The following MTDH variants were observed in gnomAD, a reference collection of about 807,000 sequenced individuals.
MTDH encodes metadherin.
Under a neutral mutation model 72.7 loss-of-function variants are expected in MTDH, and 34 were observed. That is an observed-to-expected ratio of 0.47 (90% CI 0.36 to 0.62). MTDH has a LOEUF of 0.62. Ranked by LOEUF, MTDH falls within the 20% of genes least tolerant of loss-of-function variation. The pLI is 0.00. For missense variants in MTDH, 677 were observed against 699.4 expected (o/e 0.97, Z 0.36); for synonymous variants, 266 against 268.9 (o/e 0.99, Z 0.10).
intron 2 of MTDH, among the ~76,000 whole-genome samples, chr8:97,662,879 T>C (rs1424295000): frequency 6.6e-6 from 1 of 151,426 alleles, no homozygotes; most frequent in African/African-American, 2.4e-5. Flanking sequence ...CTAAGTCACT[T>C]CTTCAAAGAC....
At chr8:97,693,177 GTGCCCATTTATCATA>G (rs1172366380) in intron 6 of MTDH, among the ~76,000 whole-genome samples, 13 of 152,096 alleles carry the variant, frequency 8.5e-5, no homozygotes, top group Non-Finnish European at 1.8e-4. Flanking sequence ...ATCAGTATAA[GTGCCCATTTATCATA>G]TGCTTACCAA....
At position 97,659,187 on chromosome 8, in the gene MTDH, G is replaced by A. The variant is rs116754573; in HGVS notation, c.382-1885G>A. On this transcript the variant is annotated intron_variant, in intron 1 of 11. Coordinates refer to ENST00000336273, the MANE Select transcript of MTDH (RefSeq NM_178812.4). ...ATATTAGAAAGTAAAATTAAACAAAGTTTTGTATTCCTGATGTAGATACGG... is the reference window on the plus strand; with the variant it reads ...ATATTAGAAAGTAAAATTAAACAAAATTTTGTATTCCTGATGTAGATACGG... Among the ~76,000 whole-genome samples, 429 of 152,046 alleles carry A rather than the reference G, an allele frequency of 2.8e-3. 2 individuals carry two copies. The highest frequency in any genetic ancestry group is 9.8e-3 in the African/African-American group (405 of 41,474).
intron 2 of MTDH, among the ~76,000 whole-genome samples, chr8:97,680,314 G>A (rs1157681299): frequency 2.0e-5 from 3 of 151,992 alleles, no homozygotes; most frequent in East Asian, 1.9e-4. Context: ...TCAATCGGTC[G>A]GCCCACCTCA....
rs1257971514 is a variant in MTDH, at chr8:97,644,826, A to G, written c.320A>G (p.Lys107Arg). The G allele has an allele frequency of 1.9e-6, 3 of 1,578,782 alleles. No homozygotes were observed. The highest frequency in any genetic ancestry group is 1.9e-5 in the Admixed American group (1 of 52,034). The change falls in exon 1 of 12, where the codon AAG becomes AGG. Residue 107 changes from lysine to arginine, a missense_variant. Lys to Arg is a conservative substitution (Grantham distance 26). Coordinates refer to ENST00000336273, the MANE Select transcript of MTDH (RefSeq NM_178812.4). ...AAAPDDLALLKNLRSEEQKKK... is the reference protein window; with the variant it reads ...AAAPDDLALLRNLRSEEQKKK... Reference sequence around the variant, plus strand: ...GCCCCCGACGACCTGGCCTTGCTGAAGAATCTCCGGAGCGAGGAACAGAAG... The same window carrying G: ...GCCCCCGACGACCTGGCCTTGCTGAGGAATCTCCGGAGCGAGGAACAGAAG...
chr8:97,707,330 A>G (rs1456199378), intron 8 of MTDH, among the ~76,000 whole-genome samples: 1 of 150,950 alleles, frequency 6.6e-6, no homozygotes, highest in African/African-American at 2.4e-5. Context: ...TTGTGTATTT[A>G]GTAGAGATGG....
chr8:97,707,244 T>C lies in MTDH; in HGVS notation c.1272+494T>C, dbSNP rs536979945. On this transcript the variant is annotated intron_variant, in intron 8 of 11. Coordinates refer to ENST00000336273, the MANE Select transcript of MTDH (RefSeq NM_178812.4). ...TCAGCTCACTGCAACCTCTACCTCCTGTGTTCAAGCAGTTTTCCTACCTCA... is the reference window on the plus strand; with the variant it reads ...TCAGCTCACTGCAACCTCTACCTCCCGTGTTCAAGCAGTTTTCCTACCTCA... Among the ~76,000 whole-genome samples the C allele has an allele frequency of 2.9e-4, 43 of 150,756 alleles. No homozygotes were observed. In the East Asian group the frequency reaches 4.3e-3, roughly 15 times the overall value.
intron 6 of MTDH, among the ~76,000 whole-genome samples, chr8:97,696,864 T>TA (rs1206984851): frequency 2.0e-5 from 3 of 151,582 alleles, no homozygotes. Flanking sequence ...ACATCTCTAA[T>TA]CCCAGCACGT....
chr8:97,661,918 CAAAAAAAAA>C (rs11440340), intron 2 of MTDH, among the ~76,000 whole-genome samples: 5 of 110,306 alleles, frequency 4.5e-5, no homozygotes, highest in African/African-American at 1.3e-4. Flanking sequence ...GACCCTGTCT[CAAAAAAAAA>C]AAAAAAAGAA....
chr8:97,656,598 G>T (rs1285640624), intron 1 of MTDH, among the ~76,000 whole-genome samples: 1 of 151,596 alleles, frequency 6.6e-6, no homozygotes, highest in African/African-American at 2.4e-5. Context: ...ACCGTGCCCG[G>T]CCTATTAAGC....
intron 10 of MTDH, among the ~76,000 whole-genome samples, chr8:97,720,580 AATAT>A (rs963154401): frequency 1.1e-4 from 17 of 148,754 alleles, no homozygotes; most frequent in African/African-American, 3.6e-4. Context: ...TGTGAAGAAG[AATAT>A]ATATATATTT....
At chr8:97,651,160 G>C in intron 1 of MTDH, among the ~76,000 whole-genome samples, 1 of 152,106 alleles carries the variant, frequency 6.6e-6, no homozygotes, top group South Asian at 2.1e-4. Flanking sequence ...GCAAAATTAG[G>C]TCCAAGCCTC....
At chr8:97,709,067 T>C (rs1814508841) in intron 8 of MTDH, among the ~76,000 whole-genome samples, 1 of 152,000 alleles carries the variant, frequency 6.6e-6, no homozygotes, top group African/African-American at 2.4e-5. Context: ...GGCGGGCACC[T>C]GTAATCCCAT....
At chr8:97,663,445 A>G (rs1480227346) in intron 2 of MTDH, among the ~76,000 whole-genome samples, 1 of 152,142 alleles carries the variant, frequency 6.6e-6, no homozygotes. Flanking sequence ...TACTAGATAT[A>G]CTTTTAAGAC....
rs1174573079 is a variant in MTDH at position 97,708,581 on chromosome 8, C to CTT, written c.1272+1868_1272+1869dup. 3.0e-4 allele frequency among the ~76,000 whole-genome samples: 9 copies of CTT among 30,258 alleles called. 3 individuals are homozygous for CTT. The highest frequency in any genetic ancestry group is 4.1e-4 in the Non-Finnish European group (8 of 19,296). The allele number at this position is 30,258 out of a possible 152,430, so 19.9% of individuals were successfully genotyped here. On this transcript the variant is annotated intron_variant, in intron 8 of 11. Transcript: ENST00000336273. ...ACAGGCATGAGCCACCATGCCAGGC[C>CTT]TTTTTTTTTTTTTTTTTTTTTTTTT... is the stretch of plus-strand genomic sequence containing the variant.
In MTDH at chr8:97,659,696, A is replaced by G. The variant is rs112076379; in HGVS notation, c.382-1376A>G. 6.1e-3 allele frequency among the ~76,000 whole-genome samples: 925 copies of G among 152,346 alleles called. 6 individuals are homozygous for G. Among genetic ancestry groups the G allele is most frequent in the African/African-American group, 0.02 (840 of 41,576 alleles). On this transcript the variant is annotated intron_variant, in intron 1 of 11. Coordinates refer to ENST00000336273, the MANE Select transcript of MTDH (RefSeq NM_178812.4). ...AAAGTGTGTTCTGTAAGAACTGAAA[A>G]TAAAGCCATTGAAACTAGTATATTG... is the stretch of plus-strand genomic sequence containing the variant.
intron 9 of MTDH, among the ~76,000 whole-genome samples, chr8:97,716,309 C>T (rs1314600120): frequency 6.6e-6 from 1 of 152,080 alleles, no homozygotes; most frequent in Non-Finnish European, 1.5e-5. Flanking sequence ...TCACTTGAAC[C>T]CGGGAGGCGG....
intron 8 of MTDH, among the ~76,000 whole-genome samples, chr8:97,711,855 T>C (rs926998545): frequency 7.9e-5 from 12 of 152,238 alleles, no homozygotes; most frequent in African/African-American, 2.9e-4. Flanking sequence ...CAAAGTACTT[T>C]AATATCAGAC....
In MTDH at chr8:97,644,583, C is replaced by T; in HGVS notation, c.77C>T (p.Ser26Leu). 1 of 1,608,026 alleles carries T rather than the reference C, an allele frequency of 6.2e-7. No individual in the cohort carries two copies. The highest frequency in any genetic ancestry group is 2.2e-5 in the East Asian group (1 of 44,640). Residue 26 changes from serine (S) to leucine (L), a missense_variant, in exon 1 of 12, where the codon TCG becomes TTG. Transcript: ENST00000336273. ...TCGGCCCGGCTGCGGGAAATGCTCT[C>T]GGTCGGCCTAGGCTTTCTGCGCACC... ...EGSARLREML[S>L]VGLGFLRTEL...
intron 2 of MTDH, among the ~76,000 whole-genome samples, chr8:97,686,431 C>CTTTTAAGGAATAA (rs1813365907): frequency 6.6e-6 from 1 of 152,150 alleles, no homozygotes. Context: ...CCTTCTCCAG[C>CTTTTAAGGAATAA]AAGTTTCTTT....
Sources: allele counts gnomAD v4.1 joint callset (sites outside exome capture counted in the v4.1 genomes callset), GRCh38; gene constraint gnomAD v4.1.1; transcripts MANE v1.5; gene names NCBI Gene and HGNC (gene_info 2026-07-23, HGNC 2026-07-21).